The following UROC1 variants were observed in gnomAD, a reference collection of about 807,000 sequenced individuals.
UROC1 encodes the protein urocanate hydratase.
UROC1 carries 79 observed loss-of-function variants against 89.5 expected under a neutral mutation model. The observed-to-expected ratio is 0.88, with a 90% confidence interval of 0.74 to 1.06. The LOEUF is 1.06. Ranked by LOEUF, UROC1 falls within the 50% of genes least tolerant of loss-of-function variation. The pLI is 0.00. For synonymous variants in UROC1, 361 were observed against 354.8 expected (o/e 1.02, Z -0.20); for missense variants, 885 against 907.8 (o/e 0.97, Z 0.32).
intron 1 of UROC1, 146 bp from the exon 2 acceptor site, chr3:126,510,940 C>T: frequency 1.6e-6 from 2 of 1,287,386 alleles, no homozygotes; most frequent in Non-Finnish European, 2.1e-6. Context: ...GTTCTCACCC[C>T]AGGCCCATCT....
chr3:126,498,007 TG>T lies in UROC1; in HGVS notation c.1438+43del, dbSNP rs751779600. 4.6e-5 allele frequency: 74 copies of T among 1,613,072 alleles called. No individual in the cohort carries two copies. In the African/African-American group the frequency reaches 5.9e-4, roughly 13 times the overall value. ...CTTGTCTCTATGGAGGCAGAAGCTTTGGGGGGGCCACCCACCCATGGGCATC... is the reference window on the plus strand; with the variant it reads ...CTTGTCTCTATGGAGGCAGAAGCTTTGGGGGGCCACCCACCCATGGGCATC... On this transcript the variant is annotated intron_variant, in intron 14 of 19. Coordinates refer to ENST00000290868, the MANE Select transcript of UROC1 (RefSeq NM_144639.3).
intron 3 of UROC1, among the ~76,000 whole-genome samples, chr3:126,509,337 T>C (rs1310935688): frequency 1.3e-5 from 2 of 152,128 alleles, no homozygotes; most frequent in Non-Finnish European, 2.9e-5. Context: ...ATATGGCTGC[T>C]AGAATATTTA....
chr3:126,496,165 C>G, intron 14 of UROC1, 57 bp from the exon 15 acceptor site: 2 of 1,550,278 alleles, frequency 1.3e-6, no homozygotes, highest in Non-Finnish European at 1.8e-6. Context: ...GACCTGCCCT[C>G]AGGCAGGCTG....
chr3:126,501,117 A>G lies in UROC1; in HGVS notation c.965+101T>C. On this transcript the variant is annotated intron_variant, in intron 10 of 19. Transcript: ENST00000290868. ...AAGGGTGGCGCTGAACTGGGGCTCA[A>G]AGCTTTGTGTCCTGGCAGCTCCTGG... is the stretch of plus-strand genomic sequence containing the variant. 2.2e-6 allele frequency: 3 copies of G among 1,375,782 alleles called. 1 individual carries two copies. The highest frequency in any genetic ancestry group is 2.3e-5 in the South Asian group (2 of 85,928). 85.2% of individuals were successfully genotyped at this position (1,375,782 alleles called of 1,614,324 possible).
intron 2 of UROC1, 79 bp from the exon 3 acceptor site, chr3:126,509,757 C>T: frequency 1.5e-6 from 2 of 1,356,568 alleles, no homozygotes; most frequent in Non-Finnish European, 2.1e-6. Flanking sequence ...CAGCCCCTGG[C>T]CGCTCAGGCA....
chr3:126,489,473 G>A, intron 16 of UROC1, 98 bp from the exon 17 acceptor site: 1 of 937,974 alleles, frequency 1.1e-6, no homozygotes, highest in Non-Finnish European at 1.7e-6. Flanking sequence ...GAACCCGCTG[G>A]ATTTCTCCTC....
rs533674935 is a variant in UROC1 at position 126,503,813 on chromosome 3, G to A, written c.902+182C>T. 9.8e-5 allele frequency among the ~76,000 whole-genome samples: 15 copies of A among 152,354 alleles called. No individual in the cohort carries two copies. In the South Asian group the frequency reaches 3.1e-3, roughly 32 times the overall value. Reference sequence around the variant, plus strand: ...TATCACCACCCGCGGGTCAGCCCTTGTGTGCGTGTGTGTGTGTGTGCGCAT... The same window carrying A: ...TATCACCACCCGCGGGTCAGCCCTTATGTGCGTGTGTGTGTGTGTGCGCAT... On this transcript the variant is annotated intron_variant, in intron 9 of 19. Transcript: ENST00000290868.
chr3:126,501,848 C>T (rs773646797), intron 9 of UROC1: 1 of 1,599,360 alleles, frequency 6.3e-7, no homozygotes, highest in Non-Finnish European at 8.5e-7. Flanking sequence ...CTCCCCTCCC[C>T]CAGGGGTGCA....
intron 11 of UROC1, 77 bp from the exon 12 acceptor site, chr3:126,500,231 G>C: frequency 1.4e-6 from 2 of 1,439,426 alleles, no homozygotes; most frequent in Non-Finnish European, 1.9e-6. Flanking sequence ...AGTCGCACCC[G>C]CCATGCTCCC....
rs1248805214 is a variant in UROC1, at chr3:126,482,296, G to A, written c.*49C>T. The A allele has an allele frequency of 1.5e-5, 24 of 1,607,544 alleles. No individual in the cohort carries two copies. Among genetic ancestry groups the A allele is most frequent in the Non-Finnish European group, 2.0e-5 (24 of 1,176,758 alleles). On this transcript the variant is annotated 3_prime_UTR_variant, in exon 20 of 20. Transcript: ENST00000290868. ...GGGTGTGTGCCATGGCTGGGCAGGTGAGGATCGCCAGGGAGGAAGGGAGGC... is the reference window on the plus strand; with the variant it reads ...GGGTGTGTGCCATGGCTGGGCAGGTAAGGATCGCCAGGGAGGAAGGGAGGC...
chr3:126,487,933 C>T (rs932022969), intron 18 of UROC1, among the ~76,000 whole-genome samples: 3 of 152,212 alleles, frequency 2.0e-5, no homozygotes, highest in African/African-American at 7.2e-5. Flanking sequence ...AAGGCGGCTG[C>T]CATTCTTGCA....
intron 1 of UROC1, among the ~76,000 whole-genome samples, chr3:126,512,239 C>A (rs1936211858): frequency 6.6e-6 from 1 of 152,212 alleles, no homozygotes; most frequent in South Asian, 2.1e-4. Flanking sequence ...CTCCACCCAC[C>A]CTGGCAACCT....
At chr3:126,483,882 T>TA (rs551385620) in intron 18 of UROC1, among the ~76,000 whole-genome samples, 54 of 152,246 alleles carry the variant, frequency 3.5e-4, no homozygotes, top group Non-Finnish European at 6.0e-4. Context: ...GTTTTATCTT[T>TA]AAAAAAAATA....
chr3:126,515,368 C>T (rs1560129870), intron 1 of UROC1, among the ~76,000 whole-genome samples: 1 of 151,490 alleles, frequency 6.6e-6, no homozygotes, highest in Non-Finnish European at 1.5e-5. Flanking sequence ...CCCTGAGTAC[C>T]CACCACCTAC....
Position 126,500,859 on chromosome 3 carries a change from G to A in UROC1, c.981C>T (p.His327=), listed in dbSNP as rs745678535. The change falls in exon 11 of 20, where the codon CAC becomes CAT. Residue 327 remains histidine, a synonymous_variant. Coordinates refer to ENST00000290868, the MANE Select transcript of UROC1 (RefSeq NM_144639.3). ...NVVALWERLV[H]ELDTTGECLV... ...AGCACTCCCCCGTCGTGTCCAATTCGTGGACCAGGCGCTCCCTGGGGAAGC... is the reference window on the plus strand; with the variant it reads ...AGCACTCCCCCGTCGTGTCCAATTCATGGACCAGGCGCTCCCTGGGGAAGC... 71 of 1,613,654 alleles carry A rather than the reference G, an allele frequency of 4.4e-5. No homozygotes were observed. Among genetic ancestry groups the A allele is most frequent in the Non-Finnish European group, 4.8e-5 (57 of 1,180,024 alleles).
chr3:126,499,687 C>T (rs1441995285), intron 12 of UROC1, among the ~76,000 whole-genome samples: 1 of 152,268 alleles, frequency 6.6e-6, no homozygotes, highest in African/African-American at 2.4e-5. Flanking sequence ...GGGCTTCCCA[C>T]TGCGGACACT....
intron 17 of UROC1, 129 bp downstream of exon 17, chr3:126,489,147 T>A (rs1360781913): frequency 3.5e-6 from 3 of 857,510 alleles, no homozygotes; most frequent in Non-Finnish European, 5.8e-6. Context: ...CAGTCCTGGG[T>A]TGGTCACTCT....
At chr3:126,485,609 G>A (rs1376958351) in intron 18 of UROC1, among the ~76,000 whole-genome samples, 1 of 109,790 alleles carries the variant, frequency 9.1e-6, no homozygotes, top group Non-Finnish European at 2.2e-5. Flanking sequence ...ATTTTTTTTT[G>A]GTAGAGAGGG....
At chr3:126,488,575 C>T (rs1475041721) in intron 17 of UROC1, among the ~76,000 whole-genome samples, 1 of 152,248 alleles carries the variant, frequency 6.6e-6, no homozygotes, top group Non-Finnish European at 1.5e-5. Flanking sequence ...GATGTGGAAA[C>T]AGTGTTAGTT....
Sources: allele counts gnomAD v4.1 joint callset (sites outside exome capture counted in the v4.1 genomes callset), GRCh38; gene constraint gnomAD v4.1.1; transcripts MANE v1.5; gene names NCBI Gene and HGNC (gene_info 2026-07-23, HGNC 2026-07-21).